Variants in ASH1L observed in about 807,000 individuals in gnomAD.
ASH1L encodes ASH1 like histone lysine methyltransferase, also known as histone-lysine N-methyltransferase ASH1L.
In ASH1L, 23 loss-of-function variants were observed where a neutral mutation model predicts 269.0. That is an observed-to-expected ratio of 0.09 (90% CI 0.06 to 0.12). The LOEUF (loss-of-function observed/expected upper bound fraction) is 0.12. Ranked by LOEUF, ASH1L falls within the 10% of genes least tolerant of loss-of-function variation. The probability of loss-of-function intolerance (pLI) is 1.00; values close to 1 mark genes in which losing one functional copy is unlikely to be tolerated. For synonymous variants in ASH1L, 1,187 were observed against 1,253.5 expected, an observed-to-expected ratio of 0.95 and a Z score of 1.12; for missense variants, 2,912 against 3,567.8, an observed-to-expected ratio of 0.82 and a Z score of 4.68.
At chr1:155,498,304 G>A (rs561318246) in intron 2 of ASH1L, among the ~76,000 whole-genome samples, 2 of 152,002 alleles carry the variant, frequency 1.3e-5, no homozygotes, top group Admixed American at 6.5e-5. Context: ...CTGTAGAGAA[G>A]AACGGATGGT....
At chr1:155,458,017 T>C (rs776665348) in intron 4 of ASH1L, among the ~76,000 whole-genome samples, 1 of 152,208 alleles carries the variant, frequency 6.6e-6, no homozygotes, top group African/African-American at 2.4e-5. Flanking sequence ...CTAAAAATAA[T>C]TCTTAGCTTG....
rs368800129 is a variant in ASH1L at position 155,411,586 on chromosome 1, A to AATAT, written c.6008+4154_6008+4157dup. Among the ~76,000 whole-genome samples the AATAT allele has an allele frequency of 6.8e-3, 377 of 55,138 alleles. 14 individuals are homozygous for AATAT. The highest frequency in any genetic ancestry group is 0.022 in the African/African-American group (284 of 12,646). The allele number at this position is 55,138 out of a possible 152,430, so 36.2% of individuals were successfully genotyped here. A position where few individuals can be genotyped will look rare whatever the true frequency, so the allele number is the denominator to read the frequency against. On this transcript the variant is annotated intron_variant, in intron 6 of 27. Coordinates refer to ENST00000392403, the MANE Select transcript of ASH1L (RefSeq NM_018489.3). ...AAATATGAATATAAATAAATAAATA[A>AATAT]ATATATATATATATATATATATATA...
At chr1:155,392,761 T>C (rs558174482) in intron 7 of ASH1L, among the ~76,000 whole-genome samples, 2 of 152,264 alleles carry the variant, frequency 1.3e-5, no homozygotes, top group South Asian at 2.1e-4. Flanking sequence ...AGTGCTGGGA[T>C]TACAGGTGGA....
At chr1:155,367,690 G>A (rs1655559914) in intron 12 of ASH1L, among the ~76,000 whole-genome samples, 1 of 151,922 alleles carries the variant, frequency 6.6e-6, no homozygotes, top group Admixed American at 6.6e-5. Flanking sequence ...TGCTTTTTCT[G>A]CTTCTATTGA....
At chr1:155,396,439 C>G (rs1279293800) in intron 6 of ASH1L, 1 of 152,024 alleles carries the variant, frequency 6.6e-6, no homozygotes, top group East Asian at 2.0e-4. Flanking sequence ...CTTAGCTTCC[C>G]AAGTAGCTGG....
chr1:155,492,514 G>A (rs1456279612), intron 2 of ASH1L, among the ~76,000 whole-genome samples: 3 of 151,914 alleles, frequency 2.0e-5, no homozygotes, highest in African/African-American at 7.3e-5. Flanking sequence ...TTTGCTCATT[G>A]TTCTAAGAAC....
intron 6 of ASH1L, among the ~76,000 whole-genome samples, chr1:155,415,369 G>A (rs1189454580): frequency 7.2e-6 from 1 of 138,396 alleles, no homozygotes; most frequent in Non-Finnish European, 1.5e-5. Flanking sequence ...GTGACAGGGC[G>A]AGACTCCGTC....
chr1:155,522,643 T>A (rs1668966404), intron 1 of ASH1L, among the ~76,000 whole-genome samples: 1 of 151,944 alleles, frequency 6.6e-6, no homozygotes, highest in South Asian at 2.1e-4. Flanking sequence ...ATAAAGATCC[T>A]CAGGAAACCA....
chr1:155,563,161 C>G, upstream of ASH1L: 1 of 457,090 alleles, frequency 2.2e-6, no homozygotes, highest in Admixed American at 2.3e-5. Context: ...CGAGGACTGC[C>G]TAGCGCCCCT....
chr1:155,516,740 G>A (rs958307522), intron 2 of ASH1L, among the ~76,000 whole-genome samples: 1 of 151,258 alleles, frequency 6.6e-6, no homozygotes, highest in Non-Finnish European at 1.5e-5. Flanking sequence ...CTCCAGCATG[G>A]GCAGCAAGAC....
intron 2 of ASH1L, among the ~76,000 whole-genome samples, chr1:155,514,846 G>A (rs527764409): frequency 1.1e-4 from 17 of 152,024 alleles, no homozygotes; most frequent in Admixed American, 7.2e-4. Context: ...AGAAGTTGCC[G>A]AGGAACTCGG....
At chr1:155,366,767 G>A (rs961110949) in intron 12 of ASH1L, among the ~76,000 whole-genome samples, 1 of 151,492 alleles carries the variant, frequency 6.6e-6, no homozygotes, top group African/African-American at 2.4e-5. Context: ...TCTGCCTCCG[G>A]AGTTGAAGCA....
intron 24 of ASH1L, among the ~76,000 whole-genome samples, chr1:155,342,476 G>C (rs891699136): frequency 1.3e-5 from 2 of 152,188 alleles, no homozygotes; most frequent in South Asian, 2.1e-4. Context: ...TTTTAACTGA[G>C]ACAAGGAGGA....
At chr1:155,546,751 C>T (rs1046500299) in intron 1 of ASH1L, among the ~76,000 whole-genome samples, 4 of 150,422 alleles carry the variant, frequency 2.7e-5, no homozygotes, top group East Asian at 3.9e-4. Context: ...AGCAAGACTC[C>T]GTCTCAAAAA....
At chr1:155,477,741 GA>G in intron 3 of ASH1L, 144 bp downstream of exon 3, 1 of 749,762 alleles carries the variant, frequency 1.3e-6, no homozygotes, top group South Asian at 4.4e-5. Context: ...AAATCTTAAG[GA>G]AAAGGAATAC....
chr1:155,465,876 T>C (rs1180105770), intron 3 of ASH1L, among the ~76,000 whole-genome samples: 2 of 152,200 alleles, frequency 1.3e-5, no homozygotes, highest in East Asian at 1.9e-4. Context: ...TGGTTCACAG[T>C]TGATAGCCAC....
chr1:155,493,449 A>G (rs1666945486), intron 2 of ASH1L, among the ~76,000 whole-genome samples: 1 of 152,262 alleles, frequency 6.6e-6, no homozygotes, highest in Non-Finnish European at 1.5e-5. Flanking sequence ...AGTATTTCAT[A>G]GATTCTGCTG....
chr1:155,479,332 G>T lies in ASH1L; in HGVS notation c.3538C>A (p.Leu1180Ile), dbSNP rs1333351934. 6.2e-7 allele frequency: 1 copy of T among 1,614,150 alleles called. No individual in the cohort carries two copies. Among genetic ancestry groups the T allele is most frequent in the Non-Finnish European group, 8.5e-7 (1 of 1,180,016 alleles). ...SPSHLSELTS[L>I]KEATPSPISE... ...ATTGGGGAAGGAGTAGCTTCTTTTA[G>T]AGATGTGAGTTCACTCAAGTGCGAA... The change falls in exon 3 of 28, where the codon CTA becomes ATA. Residue 1180 changes from leucine (L) to isoleucine (I), a missense_variant. Transcript: ENST00000392403.
intron 25 of ASH1L, among the ~76,000 whole-genome samples, chr1:155,341,209 C>T (rs1348045971): frequency 2.0e-5 from 3 of 149,530 alleles, no homozygotes; most frequent in African/African-American, 7.4e-5. Context: ...CGGAGTCTCG[C>T]TCTGTCACCC....
Sources: allele counts gnomAD v4.1 joint callset (sites outside exome capture counted in the v4.1 genomes callset), GRCh38; gene constraint gnomAD v4.1.1; transcripts MANE v1.5; gene names NCBI Gene and HGNC (gene_info 2026-07-23, HGNC 2026-07-21).